FAM81A: variants seen among roughly 807,000 people sequenced by gnomAD.
FAM81A encodes the protein family with sequence similarity 81 member A.
Under a neutral mutation model 46.7 loss-of-function variants are expected in FAM81A, and 19 were observed. That is an observed-to-expected ratio of 0.41 (90% CI 0.28 to 0.60). The LOEUF (loss-of-function observed/expected upper bound fraction) is 0.60, where lower values mean the gene tolerates loss of function less well. Ranked by LOEUF, FAM81A falls within the 20% of genes least tolerant of loss-of-function variation. The pLI is 0.34. For missense variants in FAM81A, 377 were observed against 453.5 expected (o/e 0.83, Z 1.53); for synonymous variants, 183 against 152.9 (o/e 1.20, Z -1.45).
At chr15:59,514,732 T>C (rs1416304868) in intron 7 of FAM81A, among the ~76,000 whole-genome samples, 5 of 152,198 alleles carry the variant, frequency 3.3e-5, no homozygotes, top group African/African-American at 1.2e-4. Flanking sequence ...AATCACCAAC[T>C]TCATTCTTGT....
At chr15:59,435,536 C>T (rs1247964702), upstream of FAM81A, among the ~76,000 whole-genome samples, 1 of 152,106 alleles carries the variant, frequency 6.6e-6, no homozygotes, top group African/African-American at 2.4e-5. Context: ...AGGAGAATCA[C>T]CTGAACCCAG....
At position 59,507,294 on chromosome 15, in the gene FAM81A, G is replaced by A. The variant is rs1230214751; in HGVS notation, c.495G>A (p.Gln165=). 1.9e-6 allele frequency: 3 copies of A among 1,612,434 alleles called. No individual in the cohort carries two copies. The East Asian group carries it at 6.7e-5, about 36-fold the overall frequency. Residue 165 remains glutamine, a synonymous_variant, in exon 5 of 9, where the codon CAG becomes CAA. Coordinates refer to ENST00000288228, the MANE Select transcript of FAM81A (RefSeq NM_152450.3). ...TCCAGCACTTGAACAAAGAACAGCA[G>A]GCTGCCAAACTTATCTTGGAAACGA... ...EGLQHLNKEQ[Q]AAKLILETKI... is the part of the protein sequence containing the mutation.
rs374378627 is a variant in FAM81A at position 59,402,882 on chromosome 15, G to A, written c.-78+524G>A. On this transcript the variant is annotated intron_variant, in intron 2 of 4. Coordinates refer to the FAM81A transcript ENST00000558348. ...ATTCCTTTTACAATATGCTTTAATA[G>A]CATTTCTAAATCATCTTCATAGGGG... 5.9e-5 allele frequency among the ~76,000 whole-genome samples: 9 copies of A among 152,158 alleles called. No homozygotes were observed. The East Asian group carries it at 1.7e-3, about 29-fold the overall frequency.
intron 3 of FAM81A, among the ~76,000 whole-genome samples, chr15:59,484,326 C>A (rs867805085): frequency 6.6e-6 from 1 of 152,190 alleles, no homozygotes; most frequent in Non-Finnish European, 1.5e-5. Flanking sequence ...GAAGCCTCCA[C>A]CAATTGTCCT....
chr15:59,417,683 C>T (rs1170471074), intron 2 of FAM81A, among the ~76,000 whole-genome samples: 2 of 152,118 alleles, frequency 1.3e-5, no homozygotes, highest in Non-Finnish European at 2.9e-5. Flanking sequence ...CCACTACACT[C>T]CAGCCTGGGC....
intron 2 of FAM81A, among the ~76,000 whole-genome samples, chr15:59,428,043 C>T (rs2081202735): frequency 6.6e-6 from 1 of 152,214 alleles, no homozygotes; most frequent in South Asian, 2.1e-4. Context: ...AGGATTCCCT[C>T]TTCTGCACAT....
At chr15:59,520,703 T>C (rs1320432554) in intron 8 of FAM81A, among the ~76,000 whole-genome samples, 1 of 152,024 alleles carries the variant, frequency 6.6e-6, no homozygotes, top group African/African-American at 2.4e-5. Flanking sequence ...TAGCTGGGAC[T>C]ACAGGTGTGC....
rs142622959 is a variant in FAM81A at position 59,496,328 on chromosome 15, C to T, written c.413+3939C>T. On this transcript the variant is annotated intron_variant, in intron 4 of 8. Coordinates refer to ENST00000288228, the MANE Select transcript of FAM81A (RefSeq NM_152450.3). ...CCTAGTTGAAAAATCACTTGGCGGC[C>T]GGGAGCGGTGGCTCACGCCTGTAAT... Among the ~76,000 whole-genome samples, 29 of 152,288 alleles carry T rather than the reference C, an allele frequency of 1.9e-4. No individual in the cohort carries two copies. The East Asian group carries it at 4.6e-3, about 24-fold the overall frequency.
At chr15:59,459,327 A>G (rs1487221401) in intron 2 of FAM81A, among the ~76,000 whole-genome samples, 3 of 152,182 alleles carry the variant, frequency 2.0e-5, no homozygotes, top group African/African-American at 7.2e-5. Flanking sequence ...AATCGTTAAC[A>G]TTTTAAAATC....
chr15:59,503,239 A>AAAAAAAAAAAAAAAAAAAAAC (rs1203263836), intron 4 of FAM81A, among the ~76,000 whole-genome samples: 1 of 150,732 alleles, frequency 6.6e-6, no homozygotes, highest in African/African-American at 2.4e-5. Flanking sequence ...GTCTCAAAAA[A>AAAAAAAAAAAAAAAAAAAAAC]AAAAAAAAAA....
Position 59,465,870 on chromosome 15 carries a change from G to A in FAM81A, c.294+5664G>A, listed in dbSNP as rs185913044. Among the ~76,000 whole-genome samples the A allele has an allele frequency of 2.9e-3, 435 of 151,972 alleles. 3 individuals are homozygous for A. Among genetic ancestry groups the A allele is most frequent in the Non-Finnish European group, 3.9e-3 (267 of 67,970 alleles). On this transcript the variant is annotated intron_variant, in intron 3 of 8. Transcript: ENST00000288228. ...AGCCCCCCGTCCGCTGACAGACCCC[G>A]GTGTGTGATGTTCCCTGCCATGTGT...
intron 2 of FAM81A, among the ~76,000 whole-genome samples, chr15:59,422,184 C>T (rs2081177050): frequency 6.6e-6 from 1 of 151,836 alleles, no homozygotes; most frequent in South Asian, 2.1e-4. Flanking sequence ...TCCAGGAGTT[C>T]AAGACTAGCC....
At chr15:59,400,282 T>A (rs1167174465) in intron 1 of FAM81A, among the ~76,000 whole-genome samples, 6 of 151,920 alleles carry the variant, frequency 3.9e-5, no homozygotes, top group Non-Finnish European at 2.9e-5. Flanking sequence ...GCATGGACTC[T>A]CCCTCCCCGC....
At chr15:59,410,283 C>T (rs1248656771) in intron 2 of FAM81A, among the ~76,000 whole-genome samples, 6 of 151,874 alleles carry the variant, frequency 4.0e-5, no homozygotes, top group South Asian at 2.1e-4. Flanking sequence ...GCAACAAGAG[C>T]GAAACTCCAT....
chr15:59,450,486 T>G (rs980231952), intron 1 of FAM81A, among the ~76,000 whole-genome samples: 1 of 152,200 alleles, frequency 6.6e-6, no homozygotes, highest in East Asian at 1.9e-4. Context: ...TCAACATTGC[T>G]TTCTAAAGTG....
chr15:59,470,798 T>C (rs2081677323), intron 3 of FAM81A, among the ~76,000 whole-genome samples: 1 of 152,160 alleles, frequency 6.6e-6, no homozygotes, highest in African/African-American at 2.4e-5. Flanking sequence ...GAGCTGTTCC[T>C]ATTTGGCCAT....
At chr15:59,518,176 C>T (rs1466471018) in intron 8 of FAM81A, among the ~76,000 whole-genome samples, 2 of 150,542 alleles carry the variant, frequency 1.3e-5, no homozygotes, top group African/African-American at 4.9e-5. Flanking sequence ...CAAGGTTTCA[C>T]CATGTTGGCC....
chr15:59,416,811 G>A (rs2081148716), intron 2 of FAM81A, among the ~76,000 whole-genome samples: 1 of 152,110 alleles, frequency 6.6e-6, no homozygotes, highest in African/African-American at 2.4e-5. Flanking sequence ...CATTCCAAAG[G>A]GTGCTGGAAC....
intron 1 of FAM81A, among the ~76,000 whole-genome samples, chr15:59,452,315 G>T (rs1027598874): frequency 1.4e-4 from 22 of 152,314 alleles, no homozygotes; most frequent in Admixed American, 4.6e-4. Context: ...TAACAATTAT[G>T]GGAGATCCAT....
Sources: gnomAD v4.1 joint callset for allele counts (sites outside exome capture counted in the v4.1 genomes callset) on GRCh38, gnomAD v4.1.1 for gene constraint, MANE v1.5 for transcripts, NCBI Gene and HGNC (gene_info 2026-07-23, HGNC 2026-07-21) for gene names.